Variants in SUCLG2 observed in about 807,000 individuals in gnomAD.
SUCLG2 encodes succinate--CoA ligase [GDP-forming] subunit beta, mitochondrial.
In SUCLG2, 42 loss-of-function variants were observed where a neutral mutation model predicts 47.9. That is an observed-to-expected ratio of 0.88 (90% CI 0.69 to 1.14). The LOEUF is 1.14. Among genes scored for constraint, SUCLG2 ranks in the 50% most tolerant of loss-of-function variants. The probability of loss-of-function intolerance (pLI) is 0.00; values close to 1 mark genes in which losing one functional copy is unlikely to be tolerated. For synonymous variants in SUCLG2, 195 were observed against 197.3 expected (o/e 0.99, Z 0.10); for missense variants, 571 against 525.9 (o/e 1.09, Z -0.84).
chr3:67,562,398 T>C (rs1174529561), intron 2 of SUCLG2, among the ~76,000 whole-genome samples: 22 of 152,098 alleles, frequency 1.4e-4, no homozygotes, highest in Non-Finnish European at 2.9e-5. Context: ...CTGCCTCAGC[T>C]TCCCAAGTAG....
chr3:67,514,559 T>C (rs749344665), intron 6 of SUCLG2, among the ~76,000 whole-genome samples: 1 of 152,184 alleles, frequency 6.6e-6, no homozygotes, highest in African/African-American at 2.4e-5. Context: ...TAGAGGCACA[T>C]GTTGACAATT....
chr3:67,394,635 A>C (rs2106798621), intron 10 of SUCLG2, among the ~76,000 whole-genome samples: 1 of 152,144 alleles, frequency 6.6e-6, no homozygotes, highest in South Asian at 2.1e-4. Context: ...CAATCTAGCA[A>C]GGCAGGACAA....
intron 2 of SUCLG2, among the ~76,000 whole-genome samples, chr3:67,533,966 C>T (rs1575760452): frequency 6.6e-6 from 1 of 151,316 alleles, no homozygotes; most frequent in East Asian, 2.1e-4. Flanking sequence ...AACCATTTCA[C>T]CATTGGTCAC....
At chr3:67,550,733 A>G (rs1706990418) in intron 2 of SUCLG2, among the ~76,000 whole-genome samples, 1 of 152,236 alleles carries the variant, frequency 6.6e-6, no homozygotes, top group Admixed American at 6.5e-5. Flanking sequence ...GCAGTGGATA[A>G]GTTCATGAGC....
intron 5 of SUCLG2, among the ~76,000 whole-genome samples, chr3:67,518,888 A>C (rs1559555591): frequency 6.6e-6 from 1 of 152,216 alleles, no homozygotes; most frequent in Non-Finnish European, 1.5e-5. Flanking sequence ...GTGAACTTTG[A>C]AAACAGCTAG....
Position 67,654,555 on chromosome 3 carries a change from T to C in SUCLG2, c.32A>G (p.Lys11Arg), listed in dbSNP as rs912703262. The C allele has an allele frequency of 1.1e-5, 14 of 1,271,908 alleles. No homozygotes were observed. Among genetic ancestry groups the C allele is most frequent in the Middle Eastern group, 2.7e-4 (1 of 3,666 alleles). The allele number at this position is 1,271,908 out of a possible 1,614,324, so 78.8% of individuals were successfully genotyped here. Residue 11 changes from lysine (K) to arginine (R), a missense_variant, in exon 1 of 11, where the codon AAG becomes AGG. Physicochemically the swap from Lys to Arg is conservative, Grantham distance 26 (BLOSUM62 2). Coordinates refer to ENST00000307227, the MANE Select transcript of SUCLG2 (RefSeq NM_003848.4). ...CCGCAGCGCTAGGGCTCGCAGAAGC[T>C]TCCCGGCCTGCGCTGCTACGGGGGA... MASPVAAQAG[K>R]LLRALALRPR...
intron 9 of SUCLG2, among the ~76,000 whole-genome samples, chr3:67,403,931 G>T (rs1363930159): frequency 6.6e-6 from 1 of 152,144 alleles, no homozygotes; most frequent in Non-Finnish European, 1.5e-5. Flanking sequence ...TTTCACCCAG[G>T]CTGGAGTGCA....
intron 10 of SUCLG2, among the ~76,000 whole-genome samples, chr3:67,364,974 CA>C (rs1156532115): frequency 2.0e-5 from 3 of 151,968 alleles, no homozygotes. Context: ...TAGAAAGAAC[CA>C]AATGGAAAGT....
chr3:67,428,467 G>A (rs1703367552), intron 9 of SUCLG2, among the ~76,000 whole-genome samples: 1 of 152,124 alleles, frequency 6.6e-6, no homozygotes, highest in South Asian at 2.1e-4. Context: ...AAGACCAAAG[G>A]TAGATAAAAC....
At chr3:67,511,785 C>A (rs1407430875) in intron 6 of SUCLG2, among the ~76,000 whole-genome samples, 1 of 144,762 alleles carries the variant, frequency 6.9e-6, no homozygotes, top group Non-Finnish European at 1.5e-5. Flanking sequence ...TGAATTTTGC[C>A]TATTTTTCTA....
intron 1 of SUCLG2, among the ~76,000 whole-genome samples, chr3:67,632,657 C>T (rs1036018743): frequency 6.6e-6 from 1 of 152,000 alleles, no homozygotes; most frequent in Admixed American, 6.6e-5. Context: ...TACAAGCTGA[C>T]CAGGGAATGG....
chr3:67,393,742 A>G (rs1257955464), intron 10 of SUCLG2, among the ~76,000 whole-genome samples: 5 of 152,102 alleles, frequency 3.3e-5, no homozygotes, highest in South Asian at 4.1e-4. Flanking sequence ...CTGACCCCTG[A>G]CCCCTGAGCA....
chr3:67,378,712 G>A lies in SUCLG2; in HGVS notation c.1184-2853C>T, dbSNP rs79881587. On this transcript the variant is annotated intron_variant, in intron 10 of 10. Coordinates refer to ENST00000307227, the MANE Select transcript of SUCLG2 (RefSeq NM_003848.4). ...TTTTGTTAAGCTGCTACATTTTGGG[G>A]TAATTTGTTAAGTGCTGATAGGTAA... Among the ~76,000 whole-genome samples, 854 of 152,308 alleles carry A rather than the reference G, an allele frequency of 5.6e-3. 6 individuals carry two copies. Among genetic ancestry groups the A allele is most frequent in the African/African-American group, 0.019 (794 of 41,572 alleles).
chr3:67,390,652 GT>G (rs200231997), intron 10 of SUCLG2, among the ~76,000 whole-genome samples: 152 of 145,110 alleles, frequency 1.0e-3, no homozygotes, highest in Middle Eastern at 3.5e-3. Flanking sequence ...TGAAATGAGG[GT>G]TTTTTTTTTT....
chr3:67,550,996 G>C (rs1196199100), intron 2 of SUCLG2, among the ~76,000 whole-genome samples: 2 of 152,148 alleles, frequency 1.3e-5, no homozygotes, highest in Non-Finnish European at 2.9e-5. Context: ...TCAAGTAAAT[G>C]GTAGATGATA....
intron 4 of SUCLG2, among the ~76,000 whole-genome samples, chr3:67,521,454 G>A (rs1323375357): frequency 6.6e-6 from 1 of 152,096 alleles, no homozygotes; most frequent in East Asian, 1.9e-4. Context: ...TTGCTCTGTA[G>A]GACTTGAATT....
intron 1 of SUCLG2, among the ~76,000 whole-genome samples, chr3:67,643,565 G>A (rs906309646): frequency 2.0e-5 from 3 of 152,174 alleles, no homozygotes; most frequent in African/African-American, 7.2e-5. Flanking sequence ...GGGTATGGAA[G>A]CAGAGAACAA....
chr3:67,428,700 T>C (rs986851870), intron 9 of SUCLG2, among the ~76,000 whole-genome samples: 1 of 151,962 alleles, frequency 6.6e-6, no homozygotes, highest in Admixed American at 6.6e-5. Flanking sequence ...CTAAAAACCT[T>C]GAAAAAATAT....
intron 6 of SUCLG2, among the ~76,000 whole-genome samples, chr3:67,513,006 T>A (rs1705839932): frequency 6.6e-6 from 1 of 150,770 alleles, no homozygotes; most frequent in Admixed American, 6.6e-5. Context: ...AGATACCAGA[T>A]ATATAGAGAT....
Sources: allele counts gnomAD v4.1 joint callset (sites outside exome capture counted in the v4.1 genomes callset), GRCh38; gene constraint gnomAD v4.1.1; transcripts MANE v1.5; gene names NCBI Gene and HGNC (gene_info 2026-07-23, HGNC 2026-07-21).